SLC25A17: variants seen among roughly 807,000 people sequenced by gnomAD.
SLC25A17 encodes the protein solute carrier family 25 member 17, also known as peroxisomal membrane protein PMP34.
A neutral mutation model predicts 38.5 loss-of-function variants in SLC25A17; 26 were observed. The ratio of observed to expected loss-of-function variants is 0.68; its 90% CI spans 0.50 to 0.94. The LOEUF (loss-of-function observed/expected upper bound fraction) is 0.94, where lower values mean the gene tolerates loss of function less well. Among genes scored for constraint, SLC25A17 ranks in the 40% least tolerant of loss-of-function variants. The pLI is 0.00. For synonymous variants in SLC25A17, 139 were observed against 136.2 expected (o/e 1.02, Z -0.14); for missense variants, 333 against 372.7 (o/e 0.89, Z 0.88).
chr22:40,791,689 T>C (rs549482720), intron 4 of SLC25A17, among the ~76,000 whole-genome samples: 2 of 152,236 alleles, frequency 1.3e-5, no homozygotes, highest in Admixed American at 6.5e-5. Flanking sequence ...AAAGCCACAG[T>C]GAGATATCAC....
intron 1 of SLC25A17, among the ~76,000 whole-genome samples, chr22:40,801,611 A>G (rs2057485019): frequency 6.6e-6 from 1 of 152,212 alleles, no homozygotes; most frequent in Admixed American, 6.5e-5. Context: ...ATGATATTCA[A>G]TGTCTCACAA....
intron 7 of SLC25A17, chr22:40,776,268 C>G (rs934362684): frequency 6.4e-6 from 3 of 467,652 alleles, no homozygotes; most frequent in Non-Finnish European, 1.3e-5. Context: ...CAGGTCCTCC[C>G]ACAGTGTGGA....
chr22:40,810,901 G>T (rs1347838793), intron 1 of SLC25A17, among the ~76,000 whole-genome samples: 1 of 152,038 alleles, frequency 6.6e-6, no homozygotes, highest in African/African-American at 2.4e-5. Context: ...TGAGAATTCA[G>T]CTCTCTTATA....
intron 1 of SLC25A17, among the ~76,000 whole-genome samples, chr22:40,816,694 T>G (rs2057644056): frequency 6.6e-6 from 1 of 151,628 alleles, no homozygotes; most frequent in South Asian, 2.1e-4. Context: ...CACTGCAACC[T>G]CTGCCTCCCA....
chr22:40,794,175 A>G (rs1252429600), intron 3 of SLC25A17, among the ~76,000 whole-genome samples: 5 of 152,214 alleles, frequency 3.3e-5, no homozygotes, highest in Non-Finnish European at 7.3e-5. Flanking sequence ...GAAGTACATA[A>G]TCTGTCTTAA....
chr22:40,810,078 T>C (rs1159765659), intron 1 of SLC25A17, among the ~76,000 whole-genome samples: 1 of 152,106 alleles, frequency 6.6e-6, no homozygotes, highest in Non-Finnish European at 1.5e-5. Context: ...GACACAGAGC[T>C]CCTGGTAAAA....
chr22:40,772,059 G>A (rs555511460), intron 8 of SLC25A17, among the ~76,000 whole-genome samples: 54 of 150,028 alleles, frequency 3.6e-4, no homozygotes, highest in African/African-American at 1.3e-3. Context: ...TTGTATACAA[G>A]CTTTTGTGTA....
At position 40,798,660 on chromosome 22, in the gene SLC25A17, TAAAA is replaced by T. The variant is rs10640211; in HGVS notation, c.115+359_115+362del. Among the ~76,000 whole-genome samples, 4 of 74,378 alleles carry T rather than the reference TAAAA, an allele frequency of 5.4e-5. No homozygotes were observed. The East Asian group carries it at 1.8e-3, about 34-fold the overall frequency. The allele number at this position is 74,378 out of a possible 152,430, so 48.8% of individuals were successfully genotyped here. On this transcript the variant is annotated intron_variant, in intron 2 of 8. Transcript: ENST00000435456. ...CTAGAAAAATAAAAGCACACATACA[TAAAA>T]AAAAAAAAAAAAAAAAAAAGAGGCT...
chr22:40,803,411 G>C (rs1296325025), intron 1 of SLC25A17, among the ~76,000 whole-genome samples: 1 of 152,148 alleles, frequency 6.6e-6, no homozygotes, highest in Non-Finnish European at 1.5e-5. Flanking sequence ...TGTGATGTTT[G>C]TTCTGTGCCT....
At chr22:40,775,447 T>TTTG (rs2057232225) in intron 7 of SLC25A17, among the ~76,000 whole-genome samples, 2 of 46,680 alleles carry the variant, frequency 4.3e-5, no homozygotes, top group Non-Finnish European at 8.8e-5. Context: ...TTTTTTTTTT[T>TTTG]TTTTTTTTTT....
chr22:40,811,683 TAAGA>T (rs1387112723), intron 1 of SLC25A17, among the ~76,000 whole-genome samples: 1 of 151,566 alleles, frequency 6.6e-6, no homozygotes, highest in Non-Finnish European at 1.5e-5. Flanking sequence ...AGAGAGGGAG[TAAGA>T]GAGAGAGGCG....
At chr22:40,817,620 T>C (rs2145718815) in intron 1 of SLC25A17, among the ~76,000 whole-genome samples, 1 of 152,210 alleles carries the variant, frequency 6.6e-6, no homozygotes, top group African/African-American at 2.4e-5. Context: ...ATAAATATAT[T>C]CCAGGTCAAT....
chr22:40,786,158 A>C (rs190015329), intron 4 of SLC25A17, among the ~76,000 whole-genome samples: 1 of 152,246 alleles, frequency 6.6e-6, no homozygotes, highest in East Asian at 1.9e-4. Context: ...GAAAATACAA[A>C]AAATTAGCTG....
chr22:40,786,441 C>T (rs756397704), intron 4 of SLC25A17, among the ~76,000 whole-genome samples: 1 of 151,770 alleles, frequency 6.6e-6, no homozygotes. Flanking sequence ...GGATCCAGGA[C>T]CCCCTTGGAT....
At chr22:40,773,880 C>T (rs978032205) in intron 8 of SLC25A17, 57 bp downstream of exon 8, 47 of 1,223,228 alleles carry the variant, frequency 3.8e-5, no homozygotes, top group Admixed American at 6.7e-5. Flanking sequence ...CAACCCCTCC[C>T]TGGCAGAGAT....
At chr22:40,806,983 G>C (rs1050680245) in intron 1 of SLC25A17, among the ~76,000 whole-genome samples, 1 of 152,102 alleles carries the variant, frequency 6.6e-6, no homozygotes, top group African/African-American at 2.4e-5. Flanking sequence ...CTCCCAAGTA[G>C]CTATGACTAC....
intron 4 of SLC25A17, among the ~76,000 whole-genome samples, chr22:40,791,500 C>G (rs2057385152): frequency 6.6e-6 from 1 of 152,174 alleles, no homozygotes; most frequent in African/African-American, 2.4e-5. Flanking sequence ...AGGCCACATA[C>G]ATTTTTTATT....
chr22:40,779,573 G>C lies in SLC25A17; in HGVS notation c.335-448C>G, dbSNP rs369984706. On this transcript the variant is annotated intron_variant, in intron 4 of 8. Transcript: ENST00000435456. The stretch of plus-strand genomic sequence containing the variant: ...AAGTAGCTCACACGGTTTGAAGTGA[G>C]TATGGATATGGTACAATGAGTGACA... 2.8e-4 allele frequency: 70 copies of C among 247,342 alleles called. 1 individual carries two copies. The highest frequency in any genetic ancestry group is 2.2e-3 in the South Asian group (28 of 12,710). The allele number at this position is 247,342 out of a possible 1,614,324, so 15.3% of individuals were successfully genotyped here.
chr22:40,796,596 G>A (rs1284732697), intron 2 of SLC25A17, among the ~76,000 whole-genome samples: 2 of 150,988 alleles, frequency 1.3e-5, no homozygotes, highest in African/African-American at 4.9e-5. Flanking sequence ...CTCCAACCTG[G>A]GTAAGAGAGA....
Sources: allele counts gnomAD v4.1 joint callset (sites outside exome capture counted in the v4.1 genomes callset), GRCh38; gene constraint gnomAD v4.1.1; transcripts MANE v1.5; gene names NCBI Gene and HGNC (gene_info 2026-07-23, HGNC 2026-07-21).